The following YY1AP1 variants were observed in gnomAD, a reference collection of about 807,000 sequenced individuals.
YY1AP1 encodes the protein YY1-associated protein 1.
A neutral mutation model predicts 39.9 loss-of-function variants in YY1AP1; 43 were observed. That is an observed-to-expected ratio of 1.08 (90% CI 0.84 to 1.39). The LOEUF (loss-of-function observed/expected upper bound fraction) is 1.39. Among genes scored for constraint, YY1AP1 ranks in the 40% most tolerant of loss-of-function variants. YY1AP1 has a pLI of 0.00. For synonymous variants in YY1AP1, 292 were observed against 331.3 expected, an observed-to-expected ratio of 0.88 and a Z score of 1.29; for missense variants, 813 against 900.7, an observed-to-expected ratio of 0.90 and a Z score of 1.25.
chr1:155,672,596 T>C lies in YY1AP1; in HGVS notation c.547A>G (p.Ile183Val). Residue 183 changes from isoleucine to valine, a missense_variant, in exon 7 of 11, where the codon ATT becomes GTT. Ile to Val is a conservative substitution (Grantham distance 29). This residue lies in a region of YY1AP1 where 31 missense variants were observed against 63.7 expected (regional missense o/e 0.49). Coordinates refer to ENST00000355499, the MANE Select transcript of YY1AP1 (RefSeq NM_139119.3). ...LIEDFSTHVSIDCSPHKTVKK... is the reference protein window; with the variant it reads ...LIEDFSTHVSVDCSPHKTVKK... ...ACAGTTTTATGAGGGCTGCAGTCAA[T>C]GCTGACATGTGTGCTGAAGTCTTCA... is the stretch of plus-strand genomic sequence containing the variant. 1.2e-6 allele frequency: 2 copies of C among 1,613,472 alleles called. No homozygotes were observed. The highest frequency in any genetic ancestry group is 1.3e-5 in the African/African-American group (1 of 75,016).
rs143326861 is a variant in YY1AP1 at position 155,679,429 on chromosome 1, A to T, written c.105T>A (p.Phe35Leu). Residue 35 changes from phenylalanine (F) to leucine (L), a missense_variant, in exon 4 of 11, where the codon TTT (phenylalanine) becomes TTA (leucine). Physicochemically the swap from Phe to Leu is conservative, Grantham distance 22. Transcript: ENST00000355499. Reference sequence around the variant, plus strand: ...CCTACCGTAGAGCTTGAGGGGTGTTAAAGTTAGCTTGAGGCTCAGCCACAC... The same window carrying T: ...CCTACCGTAGAGCTTGAGGGGTGTTTAAGTTAGCTTGAGGCTCAGCCACAC... ...EERVAEPQAN[F>L]NTPQALRFEE... is the part of the protein sequence containing the mutation. 2.7e-5 allele frequency: 44 copies of T among 1,614,032 alleles called. No homozygotes were observed. The highest frequency in any genetic ancestry group is 3.1e-5 in the Non-Finnish European group (36 of 1,180,038).
At position 155,686,235 on chromosome 1, in the gene YY1AP1, T is replaced by A. The variant is rs796793940; in HGVS notation, c.-21+1836A>T. On this transcript the variant is annotated intron_variant, in intron 2 of 10. Transcript: ENST00000355499. ...TATTTTTAGTAGAGACGGGGTTTCATCCTGTTAGCCAGGATAGTCTCGATC... is the reference window on the plus strand; with the variant it reads ...TATTTTTAGTAGAGACGGGGTTTCAACCTGTTAGCCAGGATAGTCTCGATC... 5.3e-5 allele frequency among the ~76,000 whole-genome samples: 8 copies of A among 151,768 alleles called. 1 individual carries two copies. Among genetic ancestry groups the A allele is most frequent in the African/African-American group, 1.9e-4 (8 of 41,372 alleles).
upstream of YY1AP1, chr1:155,688,854 G>C: frequency 1.9e-6 from 3 of 1,598,978 alleles, no homozygotes; most frequent in Non-Finnish European, 2.6e-6. Context: ...GGAGAGGAAG[G>C]GACCGGCAAA....
intron 2 of YY1AP1, among the ~76,000 whole-genome samples, chr1:155,684,653 T>A (rs983364245): frequency 6.6e-6 from 1 of 151,540 alleles, no homozygotes; most frequent in Admixed American, 6.6e-5. Context: ...TCACTGCAAC[T>A]TCCCCCTCCC....
chr1:155,664,174 A>G (rs1043354032), intron 9 of YY1AP1, among the ~76,000 whole-genome samples: 3 of 151,910 alleles, frequency 2.0e-5, no homozygotes, highest in African/African-American at 7.3e-5. Context: ...ACACCACACT[A>G]GGAGTTAGAA....
chr1:155,679,247 A>G, intron 4 of YY1AP1, 162 bp downstream of exon 4: 1 of 1,535,692 alleles, frequency 6.5e-7, no homozygotes, highest in Non-Finnish European at 8.8e-7. Flanking sequence ...CCCCATAACA[A>G]GGAGACTTCA....
intron 9 of YY1AP1, 72 bp downstream of exon 9, chr1:155,668,555 T>G: frequency 1.2e-6 from 2 of 1,610,378 alleles, no homozygotes; most frequent in African/African-American, 1.3e-5. Context: ...TTCTTTTCTT[T>G]GAGAATAACA....
At chr1:155,675,570 C>A (rs562097604) in intron 5 of YY1AP1, among the ~76,000 whole-genome samples, 1 of 152,106 alleles carries the variant, frequency 6.6e-6, no homozygotes, top group Non-Finnish European at 1.5e-5. Flanking sequence ...ATGATTCACC[C>A]GCCTTGGCCT....
At position 155,661,362 on chromosome 1, in the gene YY1AP1, T is replaced by C. The variant is rs749227969; in HGVS notation, c.941A>G (p.His314Arg). The C allele has an allele frequency of 6.2e-7, 1 of 1,613,898 alleles. No individual in the cohort carries two copies. The part of the protein sequence containing the change: ...LGKCCEEIQP[H>R]QWKPPIEREE... ...TCTCTCTATAGGTGGCTTCCACTGATGTGGCTGGATCTCTTCACAGCATTT... is the reference window on the plus strand; with the variant it reads ...TCTCTCTATAGGTGGCTTCCACTGACGTGGCTGGATCTCTTCACAGCATTT... The change falls in exon 10 of 11, where the codon CAT (histidine) becomes CGT (arginine). Residue 314 changes from histidine to arginine, a missense_variant. His to Arg is a conservative substitution (Grantham distance 29, BLOSUM62 0). This residue lies in a region of YY1AP1 where 586 missense variants were observed against 647.4 expected (regional missense o/e 0.91). Transcript: ENST00000355499.
At chr1:155,667,870 T>C (rs536192) in intron 9 of YY1AP1, among the ~76,000 whole-genome samples, 18,323 of 151,666 alleles carry the variant, frequency 0.12, 3,834 homozygotes, top group African/African-American at 0.42. Context: ...GTATATAGGC[T>C]GGGCCTGGGC....
Position 155,688,725 on chromosome 1 carries a change from A to T in YY1AP1, c.-218T>A. ...CTCCTCCCCCTCCCTCCCCGCCCGCACGGCCACCAACCGCCGCCAAAGCAG... is the reference window on the plus strand; with the variant it reads ...CTCCTCCCCCTCCCTCCCCGCCCGCTCGGCCACCAACCGCCGCCAAAGCAG... On this transcript the variant is annotated 5_prime_UTR_variant, in exon 1 of 11. Coordinates refer to ENST00000355499, the MANE Select transcript of YY1AP1 (RefSeq NM_139119.3). 3 of 1,501,650 alleles carry T rather than the reference A, an allele frequency of 2.0e-6. No individual in the cohort carries two copies. The highest frequency in any genetic ancestry group is 2.7e-6 in the Non-Finnish European group (3 of 1,131,464). 93.0% of individuals were successfully genotyped at this position (1,501,650 alleles called of 1,614,324 possible).
At chr1:155,675,808 CT>C (rs1343777885) in intron 5 of YY1AP1, among the ~76,000 whole-genome samples, 12 of 152,178 alleles carry the variant, frequency 7.9e-5, no homozygotes, top group Admixed American at 7.9e-4. Flanking sequence ...ACAAATTTTG[CT>C]TTCTGCAAAG....
At chr1:155,677,559 G>C (rs573856145) in intron 4 of YY1AP1, among the ~76,000 whole-genome samples, 193 of 152,286 alleles carry the variant, frequency 1.3e-3, no homozygotes, top group Non-Finnish European at 2.2e-3. Context: ...TAACAAGCAG[G>C]TTATCATATT....
chr1:155,676,715 C>T lies in YY1AP1; in HGVS notation c.157G>A (p.Glu53Lys). The change falls in exon 5 of 11, where the codon GAA (glutamate) becomes AAA (lysine). Residue 53 changes from glutamate (E) to lysine (K), a missense_variant. By Grantham distance (56) the Glu-to-Lys change is moderately conservative. Around this residue, in one of 3 missense-constraint regions of YY1AP1, gnomAD observed 196 missense variants for 189.7 expected, o/e 1.03. Transcript: ENST00000355499. ...AGTTCCTTCGCTATCTGATGTTGTTCATTTAGTAGGTTGGCCAGTAGTTCC... is the reference window on the plus strand; with the variant it reads ...AGTTCCTTCGCTATCTGATGTTGTTTATTTAGTAGGTTGGCCAGTAGTTCC... Reference protein sequence around the residue: ...FEELLANLLNEQHQIAKELFE... With the variant: ...FEELLANLLNKQHQIAKELFE... 6.2e-7 allele frequency: 1 copy of T among 1,614,092 alleles called. No homozygotes were observed. The highest frequency in any genetic ancestry group is 8.5e-7 in the Non-Finnish European group (1 of 1,180,004).
chr1:155,688,728 GCCA>G lies in YY1AP1; in HGVS notation c.-224_-222del. On this transcript the variant is annotated 5_prime_UTR_variant, in exon 1 of 11. Transcript: ENST00000355499. ...CTCCCCCTCCCTCCCCGCCCGCACG[GCCA>G]CCAACCGCCGCCAAAGCAGCCGCCG... is the stretch of plus-strand genomic sequence containing the variant. 6.6e-7 allele frequency: 1 copy of G among 1,517,284 alleles called. No homozygotes were observed. The highest frequency in any genetic ancestry group is 1.4e-5 in the African/African-American group (1 of 72,192). 94.0% of individuals were successfully genotyped at this position (1,517,284 alleles called of 1,614,324 possible).
chr1:155,688,079 A>T lies in YY1AP1; in HGVS notation c.-29T>A. ...CAAATCGTTCTACTCACCGTGTCGG[A>T]GGCCGAGAGCGATGAGAGTACAGGG... On this transcript the variant is annotated 5_prime_UTR_variant, in exon 2 of 11. Transcript: ENST00000355499. 6.3e-7 allele frequency: 1 copy of T among 1,585,478 alleles called. No homozygotes were observed. Among genetic ancestry groups the T allele is most frequent in the Non-Finnish European group, 8.6e-7 (1 of 1,161,978 alleles).
intron 4 of YY1AP1, chr1:155,679,074 A>T: frequency 8.3e-7 from 1 of 1,202,276 alleles, no homozygotes; most frequent in Non-Finnish European, 1.1e-6. Flanking sequence ...AAAAGAACAA[A>T]AGGGACAGAC....
chr1:155,660,291 C>T lies in YY1AP1; in HGVS notation c.1619G>A (p.Arg540His), dbSNP rs765338642. 47 of 1,614,022 alleles carry T rather than the reference C, an allele frequency of 2.9e-5. No homozygotes were observed. The highest frequency in any genetic ancestry group is 6.7e-5 in the East Asian group (3 of 44,894). ...PSKRRGARAF[R>H]CIKPAPVIHP... ...GATAACAGGGGCAGGTTTGATACAG[C>T]GAAAGGCCCTGGCTCCCCTTCTTTT... Residue 540 changes from arginine (R) to histidine (H), a missense_variant, in exon 11 of 11, where the codon CGC (arginine) becomes CAC (histidine). By Grantham distance (29) the Arg-to-His change is conservative. Around this residue, in one of 3 missense-constraint regions of YY1AP1, gnomAD observed 586 missense variants for 647.4 expected, o/e 0.91. Transcript: ENST00000355499.
chr1:155,668,632 T>C lies in YY1AP1; in HGVS notation c.874A>G (p.Ile292Val), dbSNP rs571942191. 1 of 1,614,184 alleles carries C rather than the reference T, an allele frequency of 6.2e-7. No individual in the cohort carries two copies. The highest frequency in any genetic ancestry group is 2.2e-5 in the East Asian group (1 of 44,882). ...TGCATGCAGGAAACACTCACTTTAATGATGTTGTCAGGAGCTCTGTTCATG... is the reference window on the plus strand; with the variant it reads ...TGCATGCAGGAAACACTCACTTTAACGATGTTGTCAGGAGCTCTGTTCATG... ...LNMNRAPDNIIKFYKKTKQLP... is the reference protein window; with the variant it reads ...LNMNRAPDNIVKFYKKTKQLP... Residue 292 changes from isoleucine (I) to valine (V), a missense_variant, in exon 9 of 11, where the codon ATT becomes GTT. Physicochemically the swap from Ile to Val is conservative, Grantham distance 29. Transcript: ENST00000355499.
Sources: gnomAD v4.1 joint callset for allele counts (sites outside exome capture counted in the v4.1 genomes callset) on GRCh38, gnomAD v4.1.1 for gene constraint, gnomAD v4.1.1 regional missense constraint, MANE v1.5 for transcripts, NCBI Gene and HGNC (gene_info 2026-07-23, HGNC 2026-07-21) for gene names.